Variants in ADAMTS18 observed in about 807,000 individuals in gnomAD.
ADAMTS18 encodes A disintegrin and metalloproteinase with thrombospondin motifs 18.
A neutral mutation model predicts 165.9 loss-of-function variants in ADAMTS18; 157 were observed. The ratio of observed to expected loss-of-function variants is 0.95; its 90% CI spans 0.83 to 1.08. The LOEUF (loss-of-function observed/expected upper bound fraction) is 1.08, where lower values mean the gene tolerates loss of function less well. Ranked by LOEUF, ADAMTS18 falls within the 50% of genes least tolerant of loss-of-function variation. The pLI is 0.00. For missense variants in ADAMTS18, 2,040 were observed against 1,534.0 expected (o/e 1.33, Z -5.51); for synonymous variants, 782 against 578.2 (o/e 1.35, Z -5.06).
At chr16:77,312,425 A>G (rs1368494536) in intron 16 of ADAMTS18, among the ~76,000 whole-genome samples, 1 of 152,042 alleles carries the variant, frequency 6.6e-6, no homozygotes, top group Non-Finnish European at 1.5e-5. Context: ...TTTAATAGAG[A>G]CAAGGGTTCA....
At chr16:77,400,636 C>T (rs545725413) in intron 3 of ADAMTS18, among the ~76,000 whole-genome samples, 7 of 151,960 alleles carry the variant, frequency 4.6e-5, no homozygotes, top group South Asian at 2.1e-4. Flanking sequence ...CGCCCGTCAC[C>T]GCACCCGGCT....
intron 18 of ADAMTS18, 56 bp downstream of exon 18, chr16:77,297,233 A>G: frequency 1.9e-6 from 3 of 1,607,190 alleles, no homozygotes; most frequent in Non-Finnish European, 2.6e-6. Flanking sequence ...TCTCATAACA[A>G]CAATGAAGGC....
chr16:77,291,225 T>A, intron 21 of ADAMTS18, 41 bp downstream of exon 21: 3 of 1,608,436 alleles, frequency 1.9e-6, no homozygotes, highest in African/African-American at 1.3e-5. Context: ...TTTTTCGACA[T>A]CTCACTTGAA....
chr16:77,366,181 C>G (rs1339987289), intron 4 of ADAMTS18, among the ~76,000 whole-genome samples: 1 of 152,108 alleles, frequency 6.6e-6, no homozygotes, highest in Admixed American at 6.6e-5. Context: ...GCTGTGGTAT[C>G]CAACTTGGCG....
At chr16:77,393,962 T>C (rs559369487) in intron 3 of ADAMTS18, among the ~76,000 whole-genome samples, 1 of 152,378 alleles carries the variant, frequency 6.6e-6, no homozygotes, top group African/African-American at 2.4e-5. Context: ...CAGCTGGTCC[T>C]GGCTATGAAC....
rs1469000465 is a variant in ADAMTS18, at chr16:77,293,075, C to T, written c.3189+1G>A. 1 of 1,613,918 alleles carries T rather than the reference C, an allele frequency of 6.2e-7. No homozygotes were observed. The highest frequency in any genetic ancestry group is 8.5e-7 in the Non-Finnish European group (1 of 1,179,992). ...ACCCAGCAGTGACTTCTAATCCATA[C>T]CTCGCTCCACGAAGAAGCGACCCAC... On this transcript the variant is annotated splice_donor_variant, in intron 20 of 22. Coordinates refer to ENST00000282849, the MANE Select transcript of ADAMTS18 (RefSeq NM_199355.4). LOFTEE classifies it high-confidence loss of function.
At chr16:77,320,168 T>A in intron 15 of ADAMTS18, 75 bp from the exon 16 acceptor site, 2 of 1,572,134 alleles carry the variant, frequency 1.3e-6, no homozygotes, top group Non-Finnish European at 1.7e-6. Flanking sequence ...TGGCCCGACA[T>A]GTAGTGTTCA....
At chr16:77,320,836 G>A (rs1237167874) in intron 15 of ADAMTS18, among the ~76,000 whole-genome samples, 1 of 152,048 alleles carries the variant, frequency 6.6e-6, no homozygotes, top group East Asian at 1.9e-4. Context: ...ACATACATGG[G>A]GCCTGGTCGG....
intron 10 of ADAMTS18, among the ~76,000 whole-genome samples, chr16:77,346,853 T>G (rs1368716013): frequency 6.6e-6 from 1 of 152,204 alleles, no homozygotes; most frequent in Non-Finnish European, 1.5e-5. Context: ...GCATTCATTT[T>G]AAGTGTACTG....
intron 18 of ADAMTS18, 49 bp downstream of exon 18, chr16:77,297,240 A>G (rs749804034): frequency 1.9e-6 from 3 of 1,610,104 alleles, no homozygotes; most frequent in Non-Finnish European, 2.5e-6. Flanking sequence ...ACAACAATGA[A>G]GGCATACAAG....
intron 3 of ADAMTS18, among the ~76,000 whole-genome samples, chr16:77,421,425 G>A (rs1475398537): frequency 1.3e-5 from 2 of 152,222 alleles, no homozygotes; most frequent in South Asian, 2.1e-4. Context: ...TTTTGGTCAT[G>A]AAAGCCTTAG....
intron 3 of ADAMTS18, among the ~76,000 whole-genome samples, chr16:77,407,540 G>GT (rs1280272042): frequency 1.3e-5 from 2 of 152,032 alleles, no homozygotes; most frequent in African/African-American, 2.4e-5. Flanking sequence ...CTAAATACGT[G>GT]TAAGACATGT....
At chr16:77,394,644 T>C (rs1228793709) in intron 3 of ADAMTS18, among the ~76,000 whole-genome samples, 2 of 152,218 alleles carry the variant, frequency 1.3e-5, no homozygotes, top group African/African-American at 2.4e-5. Flanking sequence ...AAATTACTTT[T>C]TGAATAAGAA....
intron 10 of ADAMTS18, among the ~76,000 whole-genome samples, chr16:77,353,009 G>A (rs1403802010): frequency 6.6e-6 from 1 of 152,102 alleles, no homozygotes. Context: ...GAACCTGGGA[G>A]GCGGAGCTTG....
At chr16:77,373,825 T>C (rs1437751900) in intron 3 of ADAMTS18, among the ~76,000 whole-genome samples, 1 of 152,122 alleles carries the variant, frequency 6.6e-6, no homozygotes, top group Non-Finnish European at 1.5e-5. Context: ...TGCAACCCTC[T>C]CCCCACCATC....
At position 77,325,917 on chromosome 16, in the gene ADAMTS18, T is replaced by C. The variant is rs781706343; in HGVS notation, c.1981A>G (p.Lys661Glu). 1 of 1,614,134 alleles carries C rather than the reference T, an allele frequency of 6.2e-7. No homozygotes were observed. Among genetic ancestry groups the C allele is most frequent in the South Asian group, 1.1e-5 (1 of 91,072 alleles). The change falls in exon 13 of 23, where the codon AAA becomes GAA. Residue 661 changes from lysine (K) to glutamate (E), a missense_variant. Coordinates refer to ENST00000282849, the MANE Select transcript of ADAMTS18 (RefSeq NM_199355.4). Reference protein sequence around the residue: ...RAQQCAEYNSKPFRGWFYQWK... With the variant: ...RAQQCAEYNSEPFRGWFYQWK... ...TGGTAGAACCATCCACGGAAAGGTT[T>C]GCTGTTATATTCTGCACACTGTTGA... is the stretch of plus-strand genomic sequence containing the variant.
intron 13 of ADAMTS18, among the ~76,000 whole-genome samples, chr16:77,324,092 A>C (rs1043487152): frequency 1.3e-5 from 2 of 152,238 alleles, no homozygotes; most frequent in African/African-American, 2.4e-5. Flanking sequence ...TTTCATAAAC[A>C]CTATGTTTGA....
chr16:77,332,909 G>A (rs1052428989), intron 12 of ADAMTS18, among the ~76,000 whole-genome samples: 16 of 152,086 alleles, frequency 1.1e-4, no homozygotes, highest in Admixed American at 3.3e-4. Flanking sequence ...GCATTTTTCC[G>A]TATTTCTGGT....
chr16:77,367,091 T>C (rs898541944), intron 4 of ADAMTS18, among the ~76,000 whole-genome samples: 7 of 152,148 alleles, frequency 4.6e-5, no homozygotes, highest in African/African-American at 1.7e-4. Flanking sequence ...CTCCTTTGTG[T>C]CCTCAAAGGA....
Sources: allele counts gnomAD v4.1 joint callset (sites outside exome capture counted in the v4.1 genomes callset), GRCh38; gene constraint gnomAD v4.1.1; transcripts MANE v1.5; gene names NCBI Gene and HGNC (gene_info 2026-07-23, HGNC 2026-07-21).